Variants in FHIT observed in about 807,000 individuals in gnomAD.
FHIT encodes the protein fragile histidine triad diadenosine triphosphatase, also known as bis(5'-adenosyl)-triphosphatase.
FHIT carries 19 observed loss-of-function variants against 17.9 expected under a neutral mutation model. The observed-to-expected ratio is 1.06, with a 90% CI of 0.74 to 1.56. FHIT has a LOEUF of 1.56. Ranked by LOEUF, FHIT falls within the 40% of genes most tolerant of loss-of-function variation. The pLI, the probability that FHIT is intolerant of heterozygous loss-of-function variation, is 0.00. For missense variants in FHIT, 248 were observed against 189.2 expected, an observed-to-expected ratio of 1.31 and a Z score of -1.82; for synonymous variants, 81 against 69.7, an observed-to-expected ratio of 1.16 and a Z score of -0.81.
intron 3 of FHIT, among the ~76,000 whole-genome samples, chr3:61,029,789 C>T (rs1042790568): frequency 3.3e-5 from 5 of 152,104 alleles, no homozygotes; most frequent in African/African-American, 9.7e-5. Context: ...AGTAATCCCT[C>T]TTGTCCAGGA....
At chr3:60,079,764 G>A (rs186195555) in intron 5 of FHIT, among the ~76,000 whole-genome samples, 138 of 152,004 alleles carry the variant, frequency 9.1e-4, no homozygotes, top group Admixed American at 3.0e-3. Context: ...AACCTCCTGC[G>A]CAACCATAAA....
Position 60,672,468 on chromosome 3 carries a change from G to A in FHIT, c.-17-135489C>T, listed in dbSNP as rs149559815. On this transcript the variant is annotated intron_variant, in intron 4 of 9. Transcript: ENST00000492590. ...TGAGCTAGGAAAAGGACTTTCACAA[G>A]GTAATGTCATCACTTAAGGCAAGGA... is the stretch of plus-strand genomic sequence containing the variant. Among the ~76,000 whole-genome samples the A allele has an allele frequency of 2.0e-3, 304 of 152,280 alleles. 1 individual carries two copies. The highest frequency in any genetic ancestry group is 6.9e-3 in the African/African-American group (285 of 41,558).
chr3:60,048,211 C>G lies in FHIT; in HGVS notation c.104-34059G>C, dbSNP rs139712724. ...TCTTCTTTTGAGACAGAGTCTCACT[C>G]TGCTGTCCAGGCTGGAGTGCAGTGG... On this transcript the variant is annotated intron_variant, in intron 5 of 9. Transcript: ENST00000492590. Among the ~76,000 whole-genome samples the G allele has an allele frequency of 2.7e-4, 41 of 152,330 alleles. No homozygotes were observed. The East Asian group carries it at 7.5e-3, about 28-fold the overall frequency.
At chr3:60,584,754 G>A (rs1196762313) in intron 4 of FHIT, among the ~76,000 whole-genome samples, 1 of 151,962 alleles carries the variant, frequency 6.6e-6, no homozygotes, top group Non-Finnish European at 1.5e-5. Flanking sequence ...TTTCACTTCT[G>A]CATCATGCTA....
intron 3 of FHIT, among the ~76,000 whole-genome samples, chr3:60,946,758 G>A (rs782106856): frequency 1.2e-4 from 19 of 152,046 alleles, no homozygotes; most frequent in Non-Finnish European, 2.6e-4. Context: ...GTCAGACACT[G>A]AGAAAAAAAC....
intron 4 of FHIT, among the ~76,000 whole-genome samples, chr3:60,647,495 C>T (rs13086399): frequency 0.49 from 75,125 of 151,938 alleles, 20,218 homozygotes; most frequent in Non-Finnish European, 0.62. Context: ...TACTCGAGGC[C>T]CTCAAGTCCA....
chr3:60,392,729 C>T (rs1368645152), intron 5 of FHIT, among the ~76,000 whole-genome samples: 12 of 152,098 alleles, frequency 7.9e-5, no homozygotes, highest in Middle Eastern at 3.2e-3. Context: ...TGGTTTTACC[C>T]GCATGATCCT....
chr3:60,630,358 C>T (rs1483284021), intron 4 of FHIT, among the ~76,000 whole-genome samples: 1 of 152,176 alleles, frequency 6.6e-6, no homozygotes, highest in Non-Finnish European at 1.5e-5. Flanking sequence ...CCTATTCCCC[C>T]AGGGAGACTA....
intron 2 of FHIT, among the ~76,000 whole-genome samples, chr3:61,070,802 C>CA (rs2034780489): frequency 6.6e-6 from 1 of 152,184 alleles, no homozygotes; most frequent in Non-Finnish European, 1.5e-5. Flanking sequence ...TACGATGGTG[C>CA]AGCCCCTCAT....
At chr3:60,347,495 T>A (rs547954234) in intron 5 of FHIT, among the ~76,000 whole-genome samples, 1 of 152,198 alleles carries the variant, frequency 6.6e-6, no homozygotes, top group Non-Finnish European at 1.5e-5. Flanking sequence ...CGATTACTCA[T>A]GCAATTTACT....
At chr3:60,516,356 T>C (rs192687383) in intron 5 of FHIT, among the ~76,000 whole-genome samples, 2 of 152,346 alleles carry the variant, frequency 1.3e-5, no homozygotes, top group East Asian at 3.9e-4. Context: ...ATTGCATCCT[T>C]ATTTCTGCTT....
chr3:60,899,483 C>G (rs1483226388), intron 3 of FHIT, among the ~76,000 whole-genome samples: 1 of 152,142 alleles, frequency 6.6e-6, no homozygotes, highest in African/African-American at 2.4e-5. Context: ...TATATTAAAT[C>G]AAGATTAATA....
At chr3:60,185,181 C>G (rs1702105320) in intron 5 of FHIT, among the ~76,000 whole-genome samples, 1 of 152,156 alleles carries the variant, frequency 6.6e-6, no homozygotes, top group African/African-American at 2.4e-5. Context: ...GAAATGTACC[C>G]TGGTTTTAGT....
At chr3:59,810,953 G>A (rs1700387336) in intron 8 of FHIT, among the ~76,000 whole-genome samples, 1 of 152,328 alleles carries the variant, frequency 6.6e-6, no homozygotes, top group East Asian at 1.9e-4. Context: ...TGTTGAAAGT[G>A]GAATACTAGA....
intron 3 of FHIT, among the ~76,000 whole-genome samples, chr3:60,957,791 G>T (rs987502632): frequency 1.3e-5 from 2 of 152,104 alleles, no homozygotes; most frequent in African/African-American, 4.8e-5. Flanking sequence ...CCTTGCTGTG[G>T]TGCCTAACCA....
chr3:60,249,710 A>ACACACACACACACACACT (rs1705593080), intron 5 of FHIT, among the ~76,000 whole-genome samples: 1 of 151,662 alleles, frequency 6.6e-6, no homozygotes, highest in African/African-American at 2.4e-5. Flanking sequence ...ACACACACAC[A>ACACACACACACACACACT]CACACACACA....
chr3:60,443,627 T>C (rs897509634), intron 5 of FHIT, among the ~76,000 whole-genome samples: 2 of 152,200 alleles, frequency 1.3e-5, no homozygotes, highest in African/African-American at 4.8e-5. Context: ...TGAAGCCCAC[T>C]TGATCATGGT....
rs185168711 is a variant in FHIT at position 60,752,071 on chromosome 3, C to T, written c.-18+69848G>A. ...GTTTATAAAATTTTGTGTTTTTCTA[C>T]GTACACGCATAATGAGACATTTGTT... On this transcript the variant is annotated intron_variant, in intron 4 of 9. Coordinates refer to ENST00000492590, the MANE Select transcript of FHIT (RefSeq NM_002012.4). Among the ~76,000 whole-genome samples the T allele has an allele frequency of 9.3e-4, 142 of 152,256 alleles. 1 individual carries two copies. The highest frequency in any genetic ancestry group is 8.9e-3 in the South Asian group (43 of 4,832).
intron 4 of FHIT, among the ~76,000 whole-genome samples, chr3:60,684,879 A>G (rs984350452): frequency 6.6e-6 from 1 of 152,166 alleles, no homozygotes; most frequent in East Asian, 1.9e-4. Context: ...ATGTTGCTCT[A>G]GTATATTGAC....
Sources: gnomAD v4.1 joint callset for allele counts (sites outside exome capture counted in the v4.1 genomes callset) on GRCh38, gnomAD v4.1.1 for gene constraint, MANE v1.5 for transcripts, NCBI Gene and HGNC (gene_info 2026-07-23, HGNC 2026-07-21) for gene names.